The following MED12L variants were observed in gnomAD, a reference collection of about 807,000 sequenced individuals.
MED12L encodes mediator complex subunit 12L.
Under a neutral mutation model 281.3 loss-of-function variants are expected in MED12L, and 60 were observed. The observed-to-expected ratio is 0.21, with a 90% CI of 0.17 to 0.26. The LOEUF is 0.26. Among genes scored for constraint, MED12L ranks in the 10% least tolerant of loss-of-function variants. The pLI, the probability that MED12L is intolerant of heterozygous loss-of-function variation, is 1.00. For missense variants in MED12L, 2,146 were observed against 2,680.9 expected, an observed-to-expected ratio of 0.80 and a Z score of 4.41; for synonymous variants, 974 against 987.2, an observed-to-expected ratio of 0.99 and a Z score of 0.25.
chr3:151,150,866 A>G (rs1202505570), intron 5 of MED12L, among the ~76,000 whole-genome samples: 5 of 152,030 alleles, frequency 3.3e-5, no homozygotes, highest in Non-Finnish European at 7.4e-5. Context: ...TTCCTCTCTT[A>G]GCCTTCATAG....
intron 2 of MED12L, among the ~76,000 whole-genome samples, chr3:151,111,972 T>C (rs547443112): frequency 2.6e-5 from 4 of 152,280 alleles, no homozygotes; most frequent in Non-Finnish European, 5.9e-5. Context: ...AACCTTCAAC[T>C]GTTTTTTTCC....
intron 5 of MED12L, among the ~76,000 whole-genome samples, chr3:151,140,600 G>A (rs1000472032): frequency 6.6e-6 from 1 of 152,176 alleles, no homozygotes; most frequent in African/African-American, 2.4e-5. Context: ...TGTGGTTGTG[G>A]TGGTTGTATA....
intron 16 of MED12L, among the ~76,000 whole-genome samples, chr3:151,262,588 G>T (rs1394422368): frequency 6.6e-6 from 1 of 152,092 alleles, no homozygotes; most frequent in East Asian, 1.9e-4. Flanking sequence ...TTGTATATGT[G>T]TTTTTTAAAT....
chr3:151,430,272 C>T, intron 43 of MED12L, 27 bp from the exon 44 acceptor site: 2 of 1,613,768 alleles, frequency 1.2e-6, no homozygotes, highest in African/African-American at 2.7e-5. Flanking sequence ...GGAATGATTT[C>T]TGTCCTTTCT....
chr3:151,417,003 A>C (rs1035822400), intron 43 of MED12L, among the ~76,000 whole-genome samples: 3 of 152,200 alleles, frequency 2.0e-5, no homozygotes, highest in African/African-American at 7.2e-5. Context: ...CTGTTTCATT[A>C]ATTACTTTTT....
chr3:151,131,633 CA>C (rs1168033229), intron 5 of MED12L, among the ~76,000 whole-genome samples: 1 of 151,984 alleles, frequency 6.6e-6, no homozygotes, highest in African/African-American at 2.4e-5. Flanking sequence ...CAAACAAAAA[CA>C]AAAAACAGTT....
chr3:151,376,983 A>T lies in MED12L; in HGVS notation c.4129-8A>T, dbSNP rs755969553. 2 of 1,613,212 alleles carry T rather than the reference A, an allele frequency of 1.2e-6. No individual in the cohort carries two copies. Among genetic ancestry groups the T allele is most frequent in the South Asian group, 2.2e-5 (2 of 90,994 alleles). On this transcript the variant is annotated splice_polypyrimidine_tract_variant and splice_region_variant and intron_variant, in intron 29 of 44. Transcript: ENST00000687756. ...CATATGTGCCAGTATTCTTATATCT[A>T]ACTCTAGGGCTCTGGTTCTGTGGCC...
intron 19 of MED12L, among the ~76,000 whole-genome samples, chr3:151,356,835 T>G (rs7428575): frequency 0.34 from 51,655 of 152,058 alleles, 8,991 homozygotes; most frequent in South Asian, 0.39. Flanking sequence ...AAGACTTGGT[T>G]TCCTTTGTTT....
intron 16 of MED12L, among the ~76,000 whole-genome samples, chr3:151,251,845 A>G (rs1736915703): frequency 6.6e-6 from 1 of 152,170 alleles, no homozygotes; most frequent in African/African-American, 2.4e-5. Flanking sequence ...CTCAGTCTTT[A>G]TTATATCCAC....
chr3:151,162,886 C>G (rs1720183254), intron 8 of MED12L, among the ~76,000 whole-genome samples: 1 of 152,200 alleles, frequency 6.6e-6, no homozygotes, highest in Middle Eastern at 3.2e-3. Context: ...CCTTGAGCCT[C>G]TGTTTCCCCG....
intron 8 of MED12L, 97 bp from the exon 9 acceptor site, chr3:151,163,796 A>G (rs1158752622): frequency 1.6e-5 from 20 of 1,260,188 alleles, no homozygotes; most frequent in South Asian, 1.5e-5. Flanking sequence ...GTAGGAGACA[A>G]TAATACAGTG....
chr3:151,204,430 C>T (rs1164350742), intron 16 of MED12L, among the ~76,000 whole-genome samples: 1 of 152,026 alleles, frequency 6.6e-6, no homozygotes, highest in African/African-American at 2.4e-5. Flanking sequence ...CTGACATTCT[C>T]CCAAATTCAT....
intron 16 of MED12L, among the ~76,000 whole-genome samples, chr3:151,320,245 T>C (rs952160658): frequency 1.3e-5 from 2 of 152,192 alleles, no homozygotes; most frequent in African/African-American, 4.8e-5. Flanking sequence ...TTAAGGAAAA[T>C]GCACATATAA....
chr3:151,219,424 T>G (rs959474166), intron 16 of MED12L: 1 of 152,216 alleles, frequency 6.6e-6, no homozygotes, highest in Non-Finnish European at 1.5e-5. Flanking sequence ...ACCTTCCACC[T>G]TCCTAATTGT....
intron 16 of MED12L, among the ~76,000 whole-genome samples, chr3:151,202,883 G>C (rs973694604): frequency 1.3e-5 from 2 of 152,118 alleles, no homozygotes; most frequent in Non-Finnish European, 1.5e-5. Flanking sequence ...ATTCAGTCTG[G>C]TGTCAATTAT....
chr3:151,228,237 C>T (rs773386472), intron 16 of MED12L, among the ~76,000 whole-genome samples: 15 of 152,192 alleles, frequency 9.9e-5, no homozygotes, highest in African/African-American at 1.9e-4. Context: ...ACATGTATGG[C>T]GCTAGAATAT....
intron 36 of MED12L, among the ~76,000 whole-genome samples, chr3:151,386,584 T>TA (rs1405576667): frequency 1.3e-5 from 2 of 150,100 alleles, no homozygotes; most frequent in Admixed American, 6.6e-5. Context: ...CTTTGTTTTT[T>TA]TTTTTTTTTC....
chr3:151,106,643 A>G (rs1215748225), intron 2 of MED12L, among the ~76,000 whole-genome samples: 4 of 151,922 alleles, frequency 2.6e-5, no homozygotes, highest in African/African-American at 7.3e-5. Context: ...TTCTTTCTTT[A>G]ATTTTCCCAA....
intron 16 of MED12L, among the ~76,000 whole-genome samples, chr3:151,304,155 A>G (rs891576669): frequency 6.6e-6 from 1 of 152,180 alleles, no homozygotes; most frequent in Admixed American, 6.5e-5. Context: ...GGAGGCAGCA[A>G]TCTCAGAAAA....
Sources: allele counts gnomAD v4.1 joint callset (sites outside exome capture counted in the v4.1 genomes callset), GRCh38; gene constraint gnomAD v4.1.1; transcripts MANE v1.5; gene names NCBI Gene and HGNC (gene_info 2026-07-23, HGNC 2026-07-21).